Variants in ZDHHC15 observed in about 807,000 individuals in gnomAD.
ZDHHC15 encodes palmitoyltransferase ZDHHC15.
Under a neutral mutation model 31.7 loss-of-function variants are expected in ZDHHC15, and 19 were observed. The observed-to-expected ratio is 0.60, with a 90% CI of 0.42 to 0.88. The LOEUF (loss-of-function observed/expected upper bound fraction) is 0.88, where lower values mean the gene tolerates loss of function less well. Among genes scored for constraint, ZDHHC15 ranks in the 40% least tolerant of loss-of-function variants. ZDHHC15 has a pLI of 0.00. For synonymous variants in ZDHHC15, 103 were observed against 90.0 expected, an observed-to-expected ratio of 1.14 and a Z score of -0.82; for missense variants, 209 against 251.2, an observed-to-expected ratio of 0.83 and a Z score of 1.14.
chrX:75,475,096 AG>A (rs1340502349), intron 3 of ZDHHC15, among the ~76,000 whole-genome samples: 1 of 111,956 alleles, frequency 8.9e-6, no homozygotes, highest in Non-Finnish European at 1.9e-5. Context: ...AATAAAAAAA[AG>A]TTTTTTGTTT....
At chrX:75,476,915 G>A (rs1460710963) in intron 3 of ZDHHC15, among the ~76,000 whole-genome samples, 2 of 110,472 alleles carry the variant, frequency 1.8e-5, no homozygotes, top group Admixed American at 9.8e-5. Flanking sequence ...ATTTCCTTCT[G>A]ATTACTTTGG....
At chrX:75,477,277 A>G (rs1357871261) in intron 3 of ZDHHC15, among the ~76,000 whole-genome samples, 1 of 111,562 alleles carries the variant, frequency 9.0e-6, no homozygotes, top group African/African-American at 3.3e-5. Flanking sequence ...ATGGCCTAAT[A>G]TATGGTCTAT....
At chrX:75,373,907 G>C (rs2083026149) in intron 11 of ZDHHC15, among the ~76,000 whole-genome samples, 2 of 71,880 alleles carry the variant, frequency 2.8e-5, no homozygotes, top group African/African-American at 9.0e-5. Flanking sequence ...GCAAATACTA[G>C]GTCTTATTCA....
chrX:75,410,084 A>G (rs1319518954), intron 10 of ZDHHC15, among the ~76,000 whole-genome samples: 2 of 111,880 alleles, frequency 1.8e-5, no homozygotes, highest in Non-Finnish European at 3.8e-5. Flanking sequence ...ACAAAAGTCA[A>G]ATCAAAATGG....
At chrX:75,441,283 C>G (rs1381227339) in intron 4 of ZDHHC15, among the ~76,000 whole-genome samples, 1 of 111,736 alleles carries the variant, frequency 8.9e-6, no homozygotes, top group Non-Finnish European at 1.9e-5. Context: ...CCAAGGAACC[C>G]TTGAAATAGA....
chrX:75,444,679 TATATATATACACACAC>T (rs1401590344), intron 4 of ZDHHC15, among the ~76,000 whole-genome samples: 5 of 45,039 alleles, frequency 1.1e-4, no homozygotes, highest in African/African-American at 3.5e-4. Context: ...TATATATATA[TATATATATACACACAC>T]ACACACACAC....
chrX:75,407,432 G>T (rs1190807444), intron 10 of ZDHHC15, among the ~76,000 whole-genome samples: 1 of 104,844 alleles, frequency 9.5e-6, no homozygotes, highest in African/African-American at 3.5e-5. Context: ...CCCTGCCCAG[G>T]AGGGAGGTGG....
chrX:75,514,116 C>T (rs2085319088), intron 1 of ZDHHC15, among the ~76,000 whole-genome samples: 1 of 112,814 alleles, frequency 8.9e-6, no homozygotes, highest in African/African-American at 3.2e-5. Flanking sequence ...CAAGAAATGC[C>T]AAAGGGCATT....
intron 3 of ZDHHC15, among the ~76,000 whole-genome samples, chrX:75,461,318 C>T (rs2084311368): frequency 9.0e-6 from 1 of 111,287 alleles, no homozygotes; most frequent in Non-Finnish European, 1.9e-5. Flanking sequence ...ATTGGGGTAC[C>T]TGAAAGAGAT....
In ZDHHC15 at chrX:75,446,717, G is replaced by A. The variant is rs771968975; in HGVS notation, c.379+4085C>T. Among the ~76,000 whole-genome samples the A allele has an allele frequency of 3.1e-4, 34 of 110,999 alleles. No homozygotes were observed. The South Asian group carries it at 8.2e-3, about 27-fold the overall frequency. On this transcript the variant is annotated intron_variant, in intron 4 of 11. Coordinates refer to ENST00000373367, the MANE Select transcript of ZDHHC15 (RefSeq NM_144969.3). ...TACCAACAGCTTTAGTGCTGGTGAG[G>A]GCCTCTTTTATAGATAGTGCTTTCT...
chrX:75,412,467 C>T (rs1029392917), intron 10 of ZDHHC15, among the ~76,000 whole-genome samples: 2 of 110,101 alleles, frequency 1.8e-5, no homozygotes, highest in Non-Finnish European at 3.8e-5. Flanking sequence ...AGTATCACTC[C>T]GTTGCCCAGG....
chrX:75,382,329 G>A (rs2083122818), intron 10 of ZDHHC15, among the ~76,000 whole-genome samples: 1 of 112,367 alleles, frequency 8.9e-6, no homozygotes, highest in Non-Finnish European at 1.9e-5. Context: ...AAAGGTAAAG[G>A]AATAAAATGA....
chrX:75,493,995 C>T (rs991295153), intron 2 of ZDHHC15, among the ~76,000 whole-genome samples: 9 of 111,416 alleles, frequency 8.1e-5, no homozygotes, highest in Non-Finnish European at 1.7e-4. Flanking sequence ...GTCAAATTGT[C>T]CCTGTTTGCA....
intron 4 of ZDHHC15, among the ~76,000 whole-genome samples, chrX:75,432,831 T>C (rs935414310): frequency 1.8e-5 from 2 of 109,868 alleles, no homozygotes; most frequent in African/African-American, 3.3e-5. Context: ...TAAAATAAAA[T>C]AAATTAGCCA....
chrX:75,498,090 C>T (rs1014823368), intron 2 of ZDHHC15, among the ~76,000 whole-genome samples: 10 of 110,182 alleles, frequency 9.1e-5, no homozygotes, highest in African/African-American at 1.3e-4. Flanking sequence ...TGCACCACCA[C>T]GCCAGAATAA....
At chrX:75,448,151 C>T (rs1482018702) in intron 4 of ZDHHC15, among the ~76,000 whole-genome samples, 1 of 112,160 alleles carries the variant, frequency 8.9e-6, no homozygotes, top group East Asian at 2.8e-4. Flanking sequence ...ACAGGAGGTG[C>T]CTTAGGGCAT....
chrX:75,463,965 G>A (rs1211873092), intron 3 of ZDHHC15, among the ~76,000 whole-genome samples: 1 of 111,813 alleles, frequency 8.9e-6, no homozygotes, highest in East Asian at 2.8e-4. Context: ...AAATCATGCT[G>A]CTATAAAGAC....
chrX:75,478,751 T>C, intron 3 of ZDHHC15, 140 bp downstream of exon 3: 1 of 459,796 alleles, frequency 2.2e-6, no homozygotes, highest in Admixed American at 4.4e-5. Flanking sequence ...CTACCCTCAA[T>C]TCACCTTTAT....
chrX:75,409,881 T>C (rs866910600), intron 10 of ZDHHC15, among the ~76,000 whole-genome samples: 10 of 100,308 alleles, frequency 1.0e-4, no homozygotes, highest in South Asian at 8.7e-4. Flanking sequence ...GGTGTTGGGA[T>C]AAAAACACAC....
Sources: allele counts gnomAD v4.1 joint callset (sites outside exome capture counted in the v4.1 genomes callset), GRCh38; gene constraint gnomAD v4.1.1; transcripts MANE v1.5; gene names NCBI Gene and HGNC (gene_info 2026-07-23, HGNC 2026-07-21).